HMGA2: variants seen among roughly 807,000 people sequenced by gnomAD.
HMGA2 encodes the protein high mobility group AT-hook 2, also known as high mobility group protein HMGI-C.
In HMGA2, 8 loss-of-function variants were observed where a neutral mutation model predicts 19.1. The ratio of observed to expected loss-of-function variants is 0.42; its 90% CI spans 0.25 to 0.76. HMGA2 has a LOEUF of 0.76. Ranked by LOEUF, HMGA2 falls within the 30% of genes least tolerant of loss-of-function variation. HMGA2 has a pLI of 0.28. For synonymous variants in HMGA2, 60 were observed against 48.8 expected, an observed-to-expected ratio of 1.23 and a Z score of -0.96; for missense variants, 109 against 136.3, an observed-to-expected ratio of 0.80 and a Z score of 1.00.
chr12:65,955,766 A>G (rs1205531730), intron 4 of HMGA2: 2 of 152,240 alleles, frequency 1.3e-5, no homozygotes, highest in Non-Finnish European at 1.5e-5. Flanking sequence ...TGCAAGTAAC[A>G]TCTTCTGTGG....
intron 3 of HMGA2, among the ~76,000 whole-genome samples, chr12:65,891,442 T>C (rs760686406): frequency 5.9e-5 from 9 of 152,212 alleles, no homozygotes; most frequent in Non-Finnish European, 1.2e-4. Context: ...CCAGTTCCCA[T>C]TGTGACACTG....
At position 65,825,487 on chromosome 12, in the gene HMGA2, T is replaced by G; in HGVS notation, c.111+106T>G. Reference sequence around the variant, plus strand: ...TGCGGGAGCCCAGTCGCCGCGGCCGTCGCACACTGCCCGCCGGCCGGCCGG... The same window carrying G: ...TGCGGGAGCCCAGTCGCCGCGGCCGGCGCACACTGCCCGCCGGCCGGCCGG... On this transcript the variant is annotated intron_variant, in intron 1 of 4. Transcript: ENST00000403681. The surrounding 1 kb of genome is among the most constrained non-coding windows in gnomAD (Gnocchi z 4.4). 3.0e-6 allele frequency: 2 copies of G among 663,310 alleles called. No homozygotes were observed. Among genetic ancestry groups the G allele is most frequent in the Non-Finnish European group, 4.3e-6 (2 of 468,706 alleles). 41.1% of individuals were successfully genotyped at this position (663,310 alleles called of 1,614,324 possible).
At chr12:65,952,517 CAG>C in intron 4 of HMGA2, 1 of 1,446,552 alleles carries the variant, frequency 6.9e-7, no homozygotes, top group Non-Finnish European at 9.1e-7. Context: ...GGAATAAAAA[CAG>C]AGTTACCATG....
chr12:65,854,308 C>T (rs189719533), intron 3 of HMGA2, among the ~76,000 whole-genome samples: 17 of 152,314 alleles, frequency 1.1e-4, no homozygotes, highest in Admixed American at 1.0e-3. Flanking sequence ...AACTTTCTTT[C>T]GTGCCCTTTC....
rs1452696367 is a variant in HMGA2, at chr12:65,826,720, G to A, written c.112-1281G>A. 3.4e-5 allele frequency: 5 copies of A among 148,988 alleles called. No individual in the cohort carries two copies. In the East Asian group the frequency reaches 9.9e-4, roughly 29 times the overall value. The allele number at this position is 148,988 out of a possible 1,614,324, so 9.2% of individuals were successfully genotyped here. Reference sequence around the variant, plus strand: ...GTTTTACACCTCCCAGGAAGTCTCTGCCCTCCCCCACTTGTTTCCCACCCG... The same window carrying A: ...GTTTTACACCTCCCAGGAAGTCTCTACCCTCCCCCACTTGTTTCCCACCCG... On this transcript the variant is annotated intron_variant, in intron 1 of 4. Transcript: ENST00000403681.
At chr12:65,948,868 G>T (rs1031719327) in intron 3 of HMGA2, among the ~76,000 whole-genome samples, 2 of 152,186 alleles carry the variant, frequency 1.3e-5, no homozygotes, top group Non-Finnish European at 2.9e-5. Context: ...ATTTCATTGA[G>T]CTGCAGTGTG....
chr12:65,925,975 C>G (rs1356764920), intron 3 of HMGA2, among the ~76,000 whole-genome samples: 2 of 152,184 alleles, frequency 1.3e-5, no homozygotes, highest in African/African-American at 4.8e-5. Flanking sequence ...TATGCATCCT[C>G]TTTCCATTAA....
intron 3 of HMGA2, among the ~76,000 whole-genome samples, chr12:65,941,624 T>G (rs1876094460): frequency 6.6e-6 from 1 of 152,138 alleles, no homozygotes; most frequent in African/African-American, 2.4e-5. Flanking sequence ...ACATAAGAGA[T>G]TACAAATAAA....
At chr12:65,901,529 G>A (rs1310629206) in intron 3 of HMGA2, among the ~76,000 whole-genome samples, 1 of 152,088 alleles carries the variant, frequency 6.6e-6, no homozygotes, top group East Asian at 1.9e-4. Context: ...CACTGTTGTT[G>A]GTGATAGAAT....
intron 1 of HMGA2, chr12:65,826,189 C>T (rs933945700): frequency 7.2e-5 from 11 of 152,618 alleles, no homozygotes; most frequent in Non-Finnish European, 1.5e-4. Context: ...CGCCTCAGAG[C>T]TGCAGCCATT....
intron 3 of HMGA2, among the ~76,000 whole-genome samples, chr12:65,896,623 G>A (rs1413240153): frequency 6.6e-6 from 1 of 152,188 alleles, no homozygotes; most frequent in Non-Finnish European, 1.5e-5. Flanking sequence ...ATTTCTAGAA[G>A]CAGATCTTCT....
intron 3 of HMGA2, among the ~76,000 whole-genome samples, chr12:65,919,759 T>C (rs1210752905): frequency 1.3e-5 from 2 of 152,248 alleles, no homozygotes; most frequent in Non-Finnish European, 2.9e-5. Context: ...AATAGCTATA[T>C]GAATCACATA....
intron 3 of HMGA2, among the ~76,000 whole-genome samples, chr12:65,849,821 C>A (rs974846176): frequency 1.1e-4 from 16 of 143,520 alleles, no homozygotes; most frequent in Admixed American, 2.9e-4. Flanking sequence ...CGGGTTCAGG[C>A]GATTCTTAAG....
intron 3 of HMGA2, among the ~76,000 whole-genome samples, chr12:65,927,299 A>G (rs1456635471): frequency 4.6e-5 from 7 of 152,170 alleles, no homozygotes; most frequent in Non-Finnish European, 1.0e-4. Flanking sequence ...CCTGTGAGCT[A>G]CCATCCACGG....
chr12:65,897,889 G>T (rs1040928768), intron 3 of HMGA2, among the ~76,000 whole-genome samples: 1 of 151,894 alleles, frequency 6.6e-6, no homozygotes, highest in Admixed American at 6.6e-5. Flanking sequence ...ACTTGAACCC[G>T]GGATGTGGAG....
At chr12:65,931,014 C>T (rs1446475974) in intron 3 of HMGA2, among the ~76,000 whole-genome samples, 4 of 152,126 alleles carry the variant, frequency 2.6e-5, no homozygotes, top group African/African-American at 7.2e-5. Context: ...TAACTAAATG[C>T]TTTGATATGA....
chr12:65,931,632 C>T (rs1409990125), intron 3 of HMGA2, among the ~76,000 whole-genome samples: 2 of 151,304 alleles, frequency 1.3e-5, no homozygotes, highest in African/African-American at 2.4e-5. Flanking sequence ...CAAATGTACA[C>T]GGTATTTTTA....
At chr12:65,894,710 C>G (rs1051640949) in intron 3 of HMGA2, among the ~76,000 whole-genome samples, 40 of 152,280 alleles carry the variant, frequency 2.6e-4, no homozygotes, top group African/African-American at 8.4e-4. Context: ...AAAAGTAAAG[C>G]TGACCTCTCC....
chr12:65,844,568 A>G (rs1380010867), intron 3 of HMGA2, among the ~76,000 whole-genome samples: 1 of 152,236 alleles, frequency 6.6e-6, no homozygotes, highest in Non-Finnish European at 1.5e-5. Context: ...TTGATCATTC[A>G]TGTTTTGATT....
Sources: allele counts gnomAD v4.1 joint callset (sites outside exome capture counted in the v4.1 genomes callset), GRCh38; gene constraint gnomAD v4.1.1; non-coding constraint Gnocchi (gnomAD v3.1); transcripts MANE v1.5; gene names NCBI Gene and HGNC (gene_info 2026-07-23, HGNC 2026-07-21).